Variants in NRXN3 observed in about 807,000 individuals in gnomAD.
The protein encoded by NRXN3 is neurexin III.
NRXN3 carries 32 observed loss-of-function variants against 137.6 expected under a neutral mutation model. The observed-to-expected ratio is 0.23, with a 90% CI of 0.18 to 0.31. The LOEUF (loss-of-function observed/expected upper bound fraction) is 0.31. NRXN3 is among the 10% of genes least tolerant of loss of function. The pLI, the probability that NRXN3 is intolerant of heterozygous loss-of-function variation, is 1.00. For synonymous variants in NRXN3, 798 were observed against 784.5 expected (o/e 1.02, Z -0.29); for missense variants, 1,574 against 2,062.5 (o/e 0.76, Z 4.59).
intron 2 of NRXN3, among the ~76,000 whole-genome samples, chr14:78,273,021 G>T (rs73310359): frequency 5.4e-4 from 82 of 152,226 alleles, no homozygotes; most frequent in African/African-American, 1.9e-3. Flanking sequence ...TATTTCCTCA[G>T]GCCAGTCCTG....
intron 15 of NRXN3, among the ~76,000 whole-genome samples, chr14:79,255,145 C>T (rs1421884670): frequency 1.3e-5 from 2 of 152,190 alleles, no homozygotes; most frequent in Non-Finnish European, 2.9e-5. Flanking sequence ...AAATTAAACT[C>T]TTCTTCAGTC....
intron 6 of NRXN3, among the ~76,000 whole-genome samples, chr14:78,655,884 C>T (rs1045187312): frequency 1.2e-4 from 19 of 152,100 alleles, no homozygotes; most frequent in Admixed American, 2.6e-4. Context: ...GGTGAGGGCC[C>T]TCTTCTGGGT....
At chr14:78,314,903 CTTTCTTTCTT>C (rs2078422850) in intron 4 of NRXN3, among the ~76,000 whole-genome samples, 1 of 103,800 alleles carries the variant, frequency 9.6e-6, no homozygotes, top group African/African-American at 5.2e-5. Flanking sequence ...CTCTTTCTTT[CTTTCTTTCTT>C]TCTTTCTTTC....
chr14:78,939,322 C>T (rs535167151), intron 10 of NRXN3, among the ~76,000 whole-genome samples: 12 of 152,288 alleles, frequency 7.9e-5, no homozygotes, highest in Admixed American at 7.8e-4. Flanking sequence ...ATTTAAGGTA[C>T]ACTTTAAGCA....
At chr14:78,586,511 A>G (rs756999091) in intron 4 of NRXN3, among the ~76,000 whole-genome samples, 5 of 152,226 alleles carry the variant, frequency 3.3e-5, no homozygotes, top group Non-Finnish European at 5.9e-5. Flanking sequence ...TGTGCCTGGT[A>G]TCCAGTAAGT....
intron 6 of NRXN3, among the ~76,000 whole-genome samples, chr14:78,676,803 C>CT (rs1172502195): frequency 3.9e-5 from 6 of 152,082 alleles, no homozygotes; most frequent in Non-Finnish European, 8.8e-5. Flanking sequence ...TAGCTGGTGA[C>CT]TTTAAGTTGA....
intron 19 of NRXN3, among the ~76,000 whole-genome samples, chr14:79,737,804 C>G (rs527452567): frequency 6.6e-6 from 1 of 152,126 alleles, no homozygotes; most frequent in Admixed American, 6.5e-5. Flanking sequence ...GCAGTCCTCC[C>G]TGGTTGGCCT....
At chr14:79,347,223 G>C (rs1273226075) in intron 15 of NRXN3, among the ~76,000 whole-genome samples, 1 of 151,860 alleles carries the variant, frequency 6.6e-6, no homozygotes, top group Non-Finnish European at 1.5e-5. Flanking sequence ...AATTTTCTGA[G>C]AGAAGGTTTT....
At chr14:79,608,787 T>C (rs2098058829) in intron 16 of NRXN3, among the ~76,000 whole-genome samples, 1 of 152,140 alleles carries the variant, frequency 6.6e-6, no homozygotes, top group Non-Finnish European at 1.5e-5. Context: ...TGTTGATTTT[T>C]TTTTTCCTGC....
chr14:79,260,600 T>C (rs1024756577), intron 15 of NRXN3, among the ~76,000 whole-genome samples: 3 of 152,148 alleles, frequency 2.0e-5, no homozygotes, highest in African/African-American at 4.8e-5. Flanking sequence ...TTCCTCAGCA[T>C]CCTTGCCACA....
chr14:78,673,402 G>T (rs1197736327), intron 6 of NRXN3, among the ~76,000 whole-genome samples: 1 of 152,176 alleles, frequency 6.6e-6, no homozygotes, highest in East Asian at 1.9e-4. Flanking sequence ...AGCCACTATT[G>T]ATGCCAGCGG....
At chr14:79,049,650 G>A (rs879280001) in intron 15 of NRXN3, among the ~76,000 whole-genome samples, 4 of 151,950 alleles carry the variant, frequency 2.6e-5, no homozygotes, top group Non-Finnish European at 4.4e-5. Context: ...ATCCAACAGA[G>A]GAATCACTAC....
rs560577407 is a variant in NRXN3 at position 79,242,466 on chromosome 14, A to G, written c.3263-224755A>G. Among the ~76,000 whole-genome samples the G allele has an allele frequency of 4.6e-5, 7 of 152,192 alleles. No individual in the cohort carries two copies. In the South Asian group the frequency reaches 1.5e-3, roughly 32 times the overall value. The stretch of plus-strand genomic sequence containing the variant: ...AATGTTAGAGACCTCTAAAATAAAT[A>G]ATTGCAGTAGCTTTGTGGCGTGTTT... On this transcript the variant is annotated intron_variant, in intron 15 of 20. Coordinates refer to ENST00000335750, the MANE Select transcript of NRXN3 (RefSeq NM_001330195.2).
chr14:79,443,803 G>A (rs2153574639), intron 15 of NRXN3, among the ~76,000 whole-genome samples: 1 of 152,292 alleles, frequency 6.6e-6, no homozygotes, highest in Admixed American at 6.5e-5. Context: ...GTAAAAGCCA[G>A]ATTACTTAAC....
intron 15 of NRXN3, among the ~76,000 whole-genome samples, chr14:79,399,008 C>A (rs78627673): frequency 5.0e-3 from 377 of 76,040 alleles, no homozygotes; most frequent in South Asian, 7.4e-3. Flanking sequence ...GACTCCATCT[C>A]AAAAAAAAAA....
Position 78,456,919 on chromosome 14 carries a change from T to C in NRXN3, c.757+159059T>C, listed in dbSNP as rs570246209. On this transcript the variant is annotated intron_variant, in intron 4 of 20. Coordinates refer to ENST00000335750, the MANE Select transcript of NRXN3 (RefSeq NM_001330195.2). ...GTTCATTCCTCCTTCCTTCCTTCCTTCCTCTCTCCCTCCCTTCCTCCCTTC... is the reference window on the plus strand; with the variant it reads ...GTTCATTCCTCCTTCCTTCCTTCCTCCCTCTCTCCCTCCCTTCCTCCCTTC... Among the ~76,000 whole-genome samples, 4 of 149,066 alleles carry C rather than the reference T, an allele frequency of 2.7e-5. No individual in the cohort carries two copies. The Admixed American group carries it at 2.7e-4, about 10-fold the overall frequency.
intron 15 of NRXN3, among the ~76,000 whole-genome samples, chr14:79,028,865 T>C (rs989069740): frequency 6.6e-6 from 1 of 152,144 alleles, no homozygotes; most frequent in African/African-American, 2.4e-5. Flanking sequence ...GTTCTTTTGC[T>C]CTTTTCTCAC....
chr14:79,538,014 G>A (rs2097230970), intron 16 of NRXN3, among the ~76,000 whole-genome samples: 1 of 152,114 alleles, frequency 6.6e-6, no homozygotes, highest in South Asian at 2.1e-4. Context: ...TCTCATTGTG[G>A]TTTTGATTTG....
chr14:78,721,970 T>G (rs2152870342), intron 8 of NRXN3, among the ~76,000 whole-genome samples: 1 of 152,070 alleles, frequency 6.6e-6, no homozygotes, highest in Non-Finnish European at 1.5e-5. Context: ...TCTGCAAGTT[T>G]CCCTTTCCAC....
Sources: allele counts gnomAD v4.1 joint callset (sites outside exome capture counted in the v4.1 genomes callset), GRCh38; gene constraint gnomAD v4.1.1; transcripts MANE v1.5; gene names NCBI Gene and HGNC (gene_info 2026-07-23, HGNC 2026-07-21).